NRAP: variants seen among roughly 807,000 people sequenced by gnomAD.
NRAP encodes nebulin related anchoring protein.
In NRAP, 189 loss-of-function variants were observed where a neutral mutation model predicts 225.9. The ratio of observed to expected loss-of-function variants is 0.84; its 90% CI spans 0.74 to 0.94. The LOEUF (loss-of-function observed/expected upper bound fraction) is 0.94. Among genes scored for constraint, NRAP ranks in the 40% least tolerant of loss-of-function variants. The probability of loss-of-function intolerance (pLI) is 0.00; values close to 1 mark genes in which losing one functional copy is unlikely to be tolerated. For missense variants in NRAP, 2,176 were observed against 2,168.7 expected (o/e 1.00, Z -0.07); for synonymous variants, 769 against 790.7 (o/e 0.97, Z 0.46).
At chr10:113,593,782 A>G (rs1393385463) in intron 38 of NRAP, among the ~76,000 whole-genome samples, 1 of 152,244 alleles carries the variant, frequency 6.6e-6, no homozygotes, top group Non-Finnish European at 1.5e-5. Flanking sequence ...GGGGCACACC[A>G]TGCCTTCCTA....
chr10:113,635,291 A>G (rs1221904306), intron 14 of NRAP, among the ~76,000 whole-genome samples: 3 of 152,222 alleles, frequency 2.0e-5, no homozygotes. Context: ...TTGAGGCTGG[A>G]TAGTAGGCGA....
intron 14 of NRAP, among the ~76,000 whole-genome samples, chr10:113,638,099 A>T (rs1429053160): frequency 2.6e-5 from 4 of 152,140 alleles, no homozygotes. Flanking sequence ...TTAATTCAGG[A>T]GGCAAAATTA....
chr10:113,605,028 C>T lies in NRAP; in HGVS notation c.3916-108G>A, dbSNP rs563917252. On this transcript the variant is annotated intron_variant, in intron 34 of 41. Coordinates refer to ENST00000359988, the MANE Select transcript of NRAP (RefSeq NM_198060.4). ...GAGGTGATGATTATAAGAAAAACCA[C>T]AGTGGGGCTGGCCTGAGAGTGTGCC... 8.0e-6 allele frequency: 10 copies of T among 1,243,146 alleles called. No individual in the cohort carries two copies. In the South Asian group the frequency reaches 1.5e-4, roughly 19 times the overall value. 77.0% of individuals were successfully genotyped at this position (1,243,146 alleles called of 1,614,324 possible). A position where few individuals can be genotyped will look rare whatever the true frequency, so the allele number is the denominator to read the frequency against.
chr10:113,607,399 CAAAAAAAAAAAAAAAAAAAAAAAA>C (rs543627940), intron 32 of NRAP, among the ~76,000 whole-genome samples: 1,163 of 68,620 alleles, frequency 0.017, 16 homozygotes, highest in African/African-American at 0.056. Flanking sequence ...GAAACTCCGT[CAAAAAAAAAAAAAAAAAAAAAAAA>C]AAAAAAAAAA....
At chr10:113,647,210 T>TACTG (rs762834481) in intron 9 of NRAP, among the ~76,000 whole-genome samples, 183 bp from the exon 10 acceptor site, 15 of 152,144 alleles carry the variant, frequency 9.9e-5, no homozygotes, top group Non-Finnish European at 2.1e-4. Context: ...CAGGCCCACT[T>TACTG]ACTGGTGCCC....
chr10:113,635,409 C>A (rs924836347), intron 14 of NRAP, among the ~76,000 whole-genome samples: 1 of 152,126 alleles, frequency 6.6e-6, no homozygotes, highest in Non-Finnish European at 1.5e-5. Context: ...TAGCAGATAA[C>A]CTCTTTCACA....
chr10:113,590,967 G>C, intron 39 of NRAP, 78 bp from the exon 40 acceptor site: 1 of 1,306,278 alleles, frequency 7.7e-7, no homozygotes, highest in South Asian at 1.3e-5. Context: ...GGCCATCCCA[G>C]GGCATTCTCA....
intron 38 of NRAP, among the ~76,000 whole-genome samples, chr10:113,594,051 T>C (rs1846144320): frequency 1.3e-5 from 2 of 152,238 alleles, no homozygotes; most frequent in South Asian, 4.1e-4. Context: ...TTGAGGTTTT[T>C]GCCTTGCCAC....
At chr10:113,634,611 G>A (rs1308854233) in intron 14 of NRAP, among the ~76,000 whole-genome samples, 2 of 152,224 alleles carry the variant, frequency 1.3e-5, no homozygotes, top group African/African-American at 2.4e-5. Flanking sequence ...GCTAGCAGAA[G>A]TGCAGATTGG....
At position 113,620,952 on chromosome 10, in the gene NRAP, G is replaced by A. The variant is rs1042008954; in HGVS notation, c.2770-244C>T. ...CCCATCCAACACTATTGGGGGTGACGCAGGAGGGGCCAAACCAAGCTTGCC... is the reference window on the plus strand; with the variant it reads ...CCCATCCAACACTATTGGGGGTGACACAGGAGGGGCCAAACCAAGCTTGCC... On this transcript the variant is annotated intron_variant, in intron 24 of 41. Transcript: ENST00000359988. Among the ~76,000 whole-genome samples the A allele has an allele frequency of 8.5e-5, 13 of 152,288 alleles. No individual in the cohort carries two copies. The East Asian group carries it at 1.2e-3, about 14-fold the overall frequency.
At chr10:113,652,801 T>A in intron 6 of NRAP, 134 bp downstream of exon 6, 1 of 651,434 alleles carries the variant, frequency 1.5e-6, no homozygotes, top group South Asian at 1.7e-5. Flanking sequence ...AAGAACACAG[T>A]TTTCTCTGTA....
chr10:113,631,650 A>C, intron 17 of NRAP, 40 bp from the exon 18 acceptor site: 1 of 1,361,302 alleles, frequency 7.3e-7, no homozygotes, highest in Non-Finnish European at 1.0e-6. Flanking sequence ...GTGAGAGAGA[A>C]ACTTTGCCGT....
At chr10:113,619,438 G>A (rs987041323) in intron 25 of NRAP, among the ~76,000 whole-genome samples, 4 of 152,034 alleles carry the variant, frequency 2.6e-5, no homozygotes, top group African/African-American at 7.2e-5. Context: ...CTTGAGTGTT[G>A]ACCAAGGTCC....
rs1440096119 is a variant in NRAP, at chr10:113,610,573, A to G, written c.3499-10T>C. The G allele has an allele frequency of 6.6e-7, 1 of 1,523,316 alleles. No homozygotes were observed. The highest frequency in any genetic ancestry group is 9.1e-7 in the Non-Finnish European group (1 of 1,097,364). 94.4% of individuals were successfully genotyped at this position (1,523,316 alleles called of 1,614,324 possible). ...CTGACCGGTACAAATTCTAGAAGAA[A>G]TAATAAATACAAAGAATCAGAAAAG... is the stretch of plus-strand genomic sequence containing the variant. On this transcript the variant is annotated splice_polypyrimidine_tract_variant and intron_variant, in intron 30 of 41. Transcript: ENST00000359988.
chr10:113,662,853 AAC>A (rs1350606087), intron 2 of NRAP, 87 bp from the exon 3 acceptor site: 2 of 609,658 alleles, frequency 3.3e-6, no homozygotes, highest in African/African-American at 1.9e-5. Flanking sequence ...TTTAAATAAT[AAC>A]AGTTATTTTT....
At chr10:113,605,086 G>T (rs546510293) in intron 34 of NRAP, among the ~76,000 whole-genome samples, 166 bp from the exon 35 acceptor site, 1 of 152,102 alleles carries the variant, frequency 6.6e-6, no homozygotes, top group Admixed American at 6.5e-5. Context: ...TTAAAACATC[G>T]CTCCATTCTT....
In NRAP at chr10:113,663,910, A is replaced by T. The variant is rs1433747347; in HGVS notation, c.-28T>A. On this transcript the variant is annotated 5_prime_UTR_variant, in exon 1 of 42. Coordinates refer to ENST00000359988, the MANE Select transcript of NRAP (RefSeq NM_198060.4). Reference sequence around the variant, plus strand: ...CGAAGCCGGAAGAGAGAGGACAAAGATAGGCAACAGGCAAGAAATGCAAGG... The same window carrying T: ...CGAAGCCGGAAGAGAGAGGACAAAGTTAGGCAACAGGCAAGAAATGCAAGG... 1 of 1,575,356 alleles carries T rather than the reference A, an allele frequency of 6.3e-7. No homozygotes were observed. The highest frequency in any genetic ancestry group is 1.7e-5 in the Admixed American group (1 of 59,976).
In NRAP at chr10:113,608,432, G is replaced by A; in HGVS notation, c.3684C>T (p.Ser1228=). The change falls in exon 32 of 42, where the codon AGC becomes AGT. Residue 1228 remains serine (S), a synonymous_variant. Transcript: ENST00000359988. ...DTPNLLHAKF[S]NQITNERLYK... is the part of the protein sequence containing the mutation. The stretch of plus-strand genomic sequence containing the variant: ...ATTTTACCTCATTCGTTATCTGGTT[G>A]CTGAATTTCGCATGAAGGAGGTTGG... 2 of 1,610,254 alleles carry A rather than the reference G, an allele frequency of 1.2e-6. No individual in the cohort carries two copies. The highest frequency in any genetic ancestry group is 1.7e-6 in the Non-Finnish European group (2 of 1,176,894).
intron 14 of NRAP, among the ~76,000 whole-genome samples, chr10:113,635,132 C>T (rs928701093): frequency 2.0e-5 from 3 of 152,208 alleles, no homozygotes; most frequent in Admixed American, 1.3e-4. Context: ...ATACAAATTG[C>T]CCTTTCGAAT....
Sources: gnomAD v4.1 joint callset for allele counts (sites outside exome capture counted in the v4.1 genomes callset) on GRCh38, gnomAD v4.1.1 for gene constraint, MANE v1.5 for transcripts, NCBI Gene and HGNC (gene_info 2026-07-23, HGNC 2026-07-21) for gene names.